Variants in ATP2B2 observed in about 807,000 individuals in gnomAD.
ATP2B2 encodes ATPase plasma membrane Ca2+ transporting 2.
ATP2B2 carries 15 observed loss-of-function variants against 120.0 expected under a neutral mutation model. The observed-to-expected ratio is 0.12, with a 90% CI of 0.08 to 0.19. The LOEUF is 0.19. Among genes scored for constraint, ATP2B2 ranks in the 10% least tolerant of loss-of-function variants. The pLI, the probability that ATP2B2 is intolerant of heterozygous loss-of-function variation, is 1.00. For missense variants in ATP2B2, 1,045 were observed against 1,719.8 expected, an observed-to-expected ratio of 0.61 and a Z score of 6.94; for synonymous variants, 694 against 700.3, an observed-to-expected ratio of 0.99 and a Z score of 0.14.
rs1475135985 is a variant in ATP2B2 at position 10,328,246 on chromosome 3, T to C, written c.*568A>G. 6.5e-6 allele frequency: 1 copy of C among 153,812 alleles called. No individual in the cohort carries two copies. The highest frequency in any genetic ancestry group is 1.5e-5 in the Non-Finnish European group (1 of 68,932). The allele number at this position is 153,812 out of a possible 1,614,324, so 9.5% of individuals were successfully genotyped here. ...GTGTCTATGAAGTTCTTCGGTTCCATTGGTGCAAATCTACTAGGCGAGTTA... is the reference window on the plus strand; with the variant it reads ...GTGTCTATGAAGTTCTTCGGTTCCACTGGTGCAAATCTACTAGGCGAGTTA... On this transcript the variant is annotated 3_prime_UTR_variant, in exon 23 of 23. Transcript: ENST00000360273.
At chr3:10,593,359 T>C (rs1452262681) in intron 2 of ATP2B2, among the ~76,000 whole-genome samples, 1 of 152,164 alleles carries the variant, frequency 6.6e-6, no homozygotes, top group Non-Finnish European at 1.5e-5. Flanking sequence ...GAGCTGGAAT[T>C]TGAACTAGGT....
At chr3:10,607,659 T>G (rs529847470) in intron 2 of ATP2B2, among the ~76,000 whole-genome samples, 1 of 152,354 alleles carries the variant, frequency 6.6e-6, no homozygotes, top group African/African-American at 2.4e-5. Context: ...GCATCCACTT[T>G]CCACACTTGC....
At chr3:10,416,435 G>C (rs939370108) in intron 2 of ATP2B2, among the ~76,000 whole-genome samples, 1 of 152,182 alleles carries the variant, frequency 6.6e-6, no homozygotes, top group African/African-American at 2.4e-5. Flanking sequence ...GGCCATTAAA[G>C]AGGTTTCATT....
chr3:10,505,122 G>C lies in ATP2B2; in HGVS notation c.-320+343C>G, dbSNP rs992333855. Among the ~76,000 whole-genome samples the C allele has an allele frequency of 4.8e-4, 73 of 152,102 alleles. 2 individuals carry two copies. The highest frequency in any genetic ancestry group is 4.4e-5 in the Non-Finnish European group (3 of 68,010). ...CTGGCCCTTGCATAACATCCTTAGGGGGCATTTGCAGTCCAGAGGCTGCCG... is the reference window on the plus strand; with the variant it reads ...CTGGCCCTTGCATAACATCCTTAGGCGGCATTTGCAGTCCAGAGGCTGCCG... On this transcript the variant is annotated intron_variant, in intron 1 of 22. Coordinates refer to ENST00000360273, the MANE Select transcript of ATP2B2 (RefSeq NM_001001331.4).
At chr3:10,628,622 T>C (rs574424422) in intron 1 of ATP2B2, among the ~76,000 whole-genome samples, 7 of 152,346 alleles carry the variant, frequency 4.6e-5, no homozygotes, top group African/African-American at 1.7e-4. Context: ...CTTCACTGTT[T>C]ACAATCTCCT....
At chr3:10,532,226 C>A (rs4684043) in intron 3 of ATP2B2, among the ~76,000 whole-genome samples, 13,183 of 152,200 alleles carry the variant, frequency 0.087, 747 homozygotes, top group East Asian at 0.21. Context: ...CCCACTGAGG[C>A]CAGGGGTCTC....
chr3:10,455,053 G>A (rs935429601), intron 1 of ATP2B2, among the ~76,000 whole-genome samples: 7 of 152,198 alleles, frequency 4.6e-5, no homozygotes, highest in African/African-American at 1.7e-4. Context: ...TGCAGTGTCT[G>A]GCATCCAGAA....
intron 1 of ATP2B2, among the ~76,000 whole-genome samples, chr3:10,463,366 T>C (rs763656705): frequency 3.9e-5 from 6 of 152,142 alleles, no homozygotes; most frequent in African/African-American, 1.2e-4. Context: ...GCGAGGAATA[T>C]TAGGGTGACA....
intron 22 of ATP2B2, among the ~76,000 whole-genome samples, chr3:10,334,728 C>T: frequency 6.6e-6 from 1 of 152,214 alleles, no homozygotes; most frequent in African/African-American, 2.4e-5. Context: ...CATTTGCCAT[C>T]AACAGGCTCC....
intron 3 of ATP2B2, among the ~76,000 whole-genome samples, chr3:10,529,775 T>C (rs2067172524): frequency 6.6e-6 from 1 of 152,150 alleles, no homozygotes; most frequent in Admixed American, 6.5e-5. Flanking sequence ...CAAGTTAAAA[T>C]GAGGCCACTA....
At chr3:10,362,006 C>G (rs1012536488) in intron 12 of ATP2B2, among the ~76,000 whole-genome samples, 10 of 152,174 alleles carry the variant, frequency 6.6e-5, no homozygotes, top group African/African-American at 2.4e-4. Flanking sequence ...ATGTGCACCC[C>G]CCAACCCCAA....
intron 3 of ATP2B2, among the ~76,000 whole-genome samples, chr3:10,518,104 C>T (rs1228837160): frequency 2.6e-5 from 4 of 152,144 alleles, no homozygotes; most frequent in Non-Finnish European, 5.9e-5. Flanking sequence ...GTCTGTGGAC[C>T]AGAAACCCTC....
chr3:10,498,601 A>G (rs1345192011), intron 1 of ATP2B2, among the ~76,000 whole-genome samples: 2 of 152,196 alleles, frequency 1.3e-5, no homozygotes, highest in Non-Finnish European at 2.9e-5. Flanking sequence ...GGCTCCCACA[A>G]AATGGTCCCG....
intron 19 of ATP2B2, among the ~76,000 whole-genome samples, chr3:10,341,853 A>G (rs1041170818): frequency 3.3e-5 from 5 of 152,170 alleles, no homozygotes; most frequent in Non-Finnish European, 7.3e-5. Context: ...CAACAGTAAA[A>G]TGTGTCCTGA....
chr3:10,673,706 G>A (rs144873767), intron 1 of ATP2B2, among the ~76,000 whole-genome samples: 1,746 of 151,114 alleles, frequency 0.012, 15 homozygotes, highest in Non-Finnish European at 0.016. Context: ...GGAGGCTGAG[G>A]TGGGTTGGGA....
intron 2 of ATP2B2, among the ~76,000 whole-genome samples, chr3:10,430,148 T>C (rs2063271487): frequency 6.6e-6 from 1 of 152,212 alleles, no homozygotes. Flanking sequence ...AGTGCTCTCA[T>C]GGAGATGTGC....
intron 2 of ATP2B2, among the ~76,000 whole-genome samples, chr3:10,569,969 C>T (rs2068087759): frequency 6.6e-6 from 1 of 152,170 alleles, no homozygotes; most frequent in Non-Finnish European, 1.5e-5. Flanking sequence ...AAACTGGTAG[C>T]CTAGCCTGGG....
chr3:10,702,790 T>A (rs911405153), intron 1 of ATP2B2, among the ~76,000 whole-genome samples: 2 of 152,224 alleles, frequency 1.3e-5, no homozygotes, highest in African/African-American at 4.8e-5. Flanking sequence ...TTATAGCACC[T>A]GAGCTGCTGC....
intron 1 of ATP2B2, among the ~76,000 whole-genome samples, chr3:10,649,443 C>T (rs529765063): frequency 5.3e-5 from 8 of 152,340 alleles, no homozygotes; most frequent in Middle Eastern, 3.4e-3. Context: ...CATCTTATGT[C>T]ATCCTTCTGC....
Sources: allele counts gnomAD v4.1 joint callset (sites outside exome capture counted in the v4.1 genomes callset), GRCh38; gene constraint gnomAD v4.1.1; transcripts MANE v1.5; gene names NCBI Gene and HGNC (gene_info 2026-07-23, HGNC 2026-07-21).